Variants in PALLD observed in about 807,000 individuals in gnomAD.
PALLD encodes palladin, cytoskeletal associated protein.
A neutral mutation model predicts 123.5 loss-of-function variants in PALLD; 61 were observed. The observed-to-expected ratio is 0.49, with a 90% CI of 0.40 to 0.61. The LOEUF (loss-of-function observed/expected upper bound fraction) is 0.61. Ranked by LOEUF, PALLD falls within the 20% of genes least tolerant of loss-of-function variation. PALLD has a pLI of 0.00. For missense variants in PALLD, 1,273 were observed against 1,377.0 expected (o/e 0.92, Z 1.20); for synonymous variants, 465 against 496.4 (o/e 0.94, Z 0.84).
chr4:168,641,605 C>T (rs1776954741), intron 2 of PALLD, among the ~76,000 whole-genome samples: 1 of 152,172 alleles, frequency 6.6e-6, no homozygotes, highest in African/African-American at 2.4e-5. Flanking sequence ...GAGCACTCTG[C>T]TTTGATCCCA....
At chr4:168,604,031 A>C (rs529932406) in intron 2 of PALLD, among the ~76,000 whole-genome samples, 1 of 152,202 alleles carries the variant, frequency 6.6e-6, no homozygotes, top group Non-Finnish European at 1.5e-5. Flanking sequence ...AAACTATTCT[A>C]CATTATTAGG....
intron 3 of PALLD, among the ~76,000 whole-genome samples, chr4:168,679,224 G>C (rs1781242788): frequency 9.1e-6 from 1 of 110,386 alleles, no homozygotes; most frequent in Non-Finnish European, 1.9e-5. Flanking sequence ...TGGGGTGTGT[G>C]TGTGTGGTGT....
At chr4:168,900,563 A>C (rs1756289370) in intron 14 of PALLD, among the ~76,000 whole-genome samples, 1 of 152,198 alleles carries the variant, frequency 6.6e-6, no homozygotes, top group Non-Finnish European at 1.5e-5. Context: ...TTAGGTGTTA[A>C]TTTCCTATAG....
intron 3 of PALLD, among the ~76,000 whole-genome samples, chr4:168,673,624 C>T (rs777167041): frequency 3.9e-5 from 6 of 152,136 alleles, no homozygotes; most frequent in Non-Finnish European, 8.8e-5. Context: ...AAGCCTATTG[C>T]AGCAGGACAG....
At chr4:168,805,693 T>C (rs1040389082) in intron 10 of PALLD, among the ~76,000 whole-genome samples, 4 of 152,082 alleles carry the variant, frequency 2.6e-5, no homozygotes, top group African/African-American at 2.4e-5. Context: ...CCGACTCCCC[T>C]GTTACAGAGG....
At position 168,708,854 on chromosome 4, in the gene PALLD, T is replaced by G. The variant is rs76512326; in HGVS notation, c.1502-174T>G. On this transcript the variant is annotated intron_variant, in intron 8 of 21. Coordinates refer to ENST00000505667, the MANE Select transcript of PALLD (RefSeq NM_001166108.2). The stretch of plus-strand genomic sequence containing the variant: ...GGTCTACCTCCAAAGCTTTTTCTGC[T>G]AGGCAGAATTGCTAAATTAAATGTA... Among the ~76,000 whole-genome samples the G allele has an allele frequency of 1.6e-3, 241 of 152,278 alleles. 1 individual carries two copies. The highest frequency in any genetic ancestry group is 2.7e-3 in the Non-Finnish European group (182 of 68,030).
intron 10 of PALLD, among the ~76,000 whole-genome samples, chr4:168,816,414 T>TATATATATATA (rs1554088402): frequency 1.6e-5 from 2 of 123,794 alleles, no homozygotes; most frequent in African/African-American, 7.1e-5. Context: ...TATATATATA[T>TATATATATATA]TTTTTTTAAG....
intron 2 of PALLD, among the ~76,000 whole-genome samples, chr4:168,636,575 T>C (rs1265090078): frequency 6.6e-6 from 1 of 152,154 alleles, no homozygotes; most frequent in Non-Finnish European, 1.5e-5. Flanking sequence ...TCAACCTCTA[T>C]AGAACTCACT....
chr4:168,652,479 A>T (rs1347645418), intron 2 of PALLD, among the ~76,000 whole-genome samples: 1 of 152,044 alleles, frequency 6.6e-6, no homozygotes, highest in Non-Finnish European at 1.5e-5. Flanking sequence ...TTTATTTTTT[A>T]TATGTTTTTA....
At chr4:168,868,681 G>A (rs1266491813) in intron 10 of PALLD, among the ~76,000 whole-genome samples, 1 of 152,172 alleles carries the variant, frequency 6.6e-6, no homozygotes, top group Non-Finnish European at 1.5e-5. Context: ...ACTCAATGCG[G>A]CCTTGTTAGA....
At chr4:168,892,783 T>C (rs1713591261) in intron 11 of PALLD, among the ~76,000 whole-genome samples, 1 of 152,080 alleles carries the variant, frequency 6.6e-6, no homozygotes, top group Non-Finnish European at 1.5e-5. Flanking sequence ...TAAGATTCTC[T>C]TGGTTAAGGT....
chr4:168,920,730 A>C (rs929871601), intron 17 of PALLD, among the ~76,000 whole-genome samples: 3 of 152,212 alleles, frequency 2.0e-5, no homozygotes, highest in Non-Finnish European at 4.4e-5. Flanking sequence ...CTTTCTGGGT[A>C]ATTTCGTATT....
rs1282850427 is a variant in PALLD at position 168,869,708 on chromosome 4, C to G, written c.1965-21214C>G. Among the ~76,000 whole-genome samples the G allele has an allele frequency of 6.6e-6, 1 of 152,074 alleles. No homozygotes were observed. The highest frequency in any genetic ancestry group is 2.4e-5 in the African/African-American group (1 of 41,390). ...ATTATTTTAGGGAGACAAGTTAGAT[C>G]AGGGTGAGAGGAGCTCTGTCTAGAC... On this transcript the variant is annotated intron_variant, in intron 10 of 21. Coordinates refer to ENST00000505667, the MANE Select transcript of PALLD (RefSeq NM_001166108.2). The surrounding 1 kb of genome is among the most constrained non-coding windows in gnomAD (Gnocchi z 4.5).
chr4:168,810,679 A>G (rs1253776539), intron 10 of PALLD, among the ~76,000 whole-genome samples: 2 of 151,752 alleles, frequency 1.3e-5, no homozygotes, highest in African/African-American at 4.8e-5. Flanking sequence ...GTGGTGGCTC[A>G]CGCCTGTAGT....
chr4:168,712,284 AG>A (rs1207946252), intron 10 of PALLD: 1 of 339,302 alleles, frequency 2.9e-6, no homozygotes, highest in African/African-American at 2.1e-5. Context: ...AGTGAGTATA[AG>A]TACTTTGCAT....
chr4:168,785,809 G>C (rs1736625825), intron 10 of PALLD, among the ~76,000 whole-genome samples: 1 of 139,814 alleles, frequency 7.2e-6, no homozygotes, highest in African/African-American at 2.6e-5. Flanking sequence ...TTAAAATAAA[G>C]GGAGAGGGGA....
chr4:168,814,382 C>T (rs1248831776), intron 10 of PALLD, among the ~76,000 whole-genome samples: 3 of 152,146 alleles, frequency 2.0e-5, no homozygotes, highest in African/African-American at 7.2e-5. Flanking sequence ...TATCTACCAG[C>T]AGTGCAGGGA....
intron 15 of PALLD, chr4:168,904,119 T>A (rs779912629): frequency 1.8e-6 from 1 of 563,070 alleles, no homozygotes; most frequent in East Asian, 3.1e-5. Context: ...TTCTACTCCT[T>A]CCACAAATAT....
rs1042258150 is a variant in PALLD, at chr4:168,834,338, T to C, written c.1965-56584T>C. Among the ~76,000 whole-genome samples, 22 of 152,338 alleles carry C rather than the reference T, an allele frequency of 1.4e-4. 2 individuals are homozygous for C. The highest frequency in any genetic ancestry group is 1.2e-3 in the Admixed American group (18 of 15,302). ...CCAGTCTGTCCCAGGTGAGGACCAC[T>C]GACTTAGTAAACAATAAACAGGTGT... is the stretch of plus-strand genomic sequence containing the variant. On this transcript the variant is annotated intron_variant, in intron 10 of 21. Transcript: ENST00000505667.
Sources: gnomAD v4.1 joint callset for allele counts (sites outside exome capture counted in the v4.1 genomes callset) on GRCh38, gnomAD v4.1.1 for gene constraint, Gnocchi (gnomAD v3.1) non-coding constraint, MANE v1.5 for transcripts, NCBI Gene and HGNC (gene_info 2026-07-23, HGNC 2026-07-21) for gene names.